PLCXD1: variants seen among roughly 807,000 people sequenced by gnomAD.
PLCXD1 encodes phosphatidylinositol specific phospholipase C X domain containing 1, also known as PI-PLC X domain-containing protein 1.
In PLCXD1, 45 loss-of-function variants were observed where a neutral mutation model predicts 37.8. The ratio of observed to expected loss-of-function variants is 1.19; its 90% CI spans 0.94 to 1.53. The LOEUF (loss-of-function observed/expected upper bound fraction) is 1.53, where lower values mean the gene tolerates loss of function less well. Ranked by LOEUF, PLCXD1 falls within the 40% of genes most tolerant of loss-of-function variation. The pLI is 0.00. For synonymous variants in PLCXD1, 246 were observed against 206.9 expected, an observed-to-expected ratio of 1.19 and a Z score of -1.62; for missense variants, 539 against 454.7, an observed-to-expected ratio of 1.19 and a Z score of -1.69.
Position 299,470 on chromosome X carries a change from A to G in PLCXD1, c.*135A>G, listed in dbSNP as rs2069931552. The G allele has an allele frequency of 1.3e-6, 1 of 742,184 alleles. No individual in the cohort carries two copies. Among genetic ancestry groups the G allele is most frequent in the Admixed American group, 2.2e-5 (1 of 45,120 alleles). 46.0% of individuals were successfully genotyped at this position (742,184 alleles called of 1,614,324 possible). On this transcript the variant is annotated 3_prime_UTR_variant, in exon 7 of 7. Coordinates refer to ENST00000381657, the MANE Select transcript of PLCXD1 (RefSeq NM_018390.4). ...TACGTTTTCATTTTCTTTAAAATAG[A>G]GATGGGGTGGCTGGGCGTGGTGACT...
chrX:290,748 A>G lies in PLCXD1; in HGVS notation c.365A>G (p.His122Arg), dbSNP rs750925368. The change falls in exon 4 of 7, where the codon CAT (histidine) becomes CGT (arginine). Residue 122 changes from histidine to arginine, a missense_variant. By Grantham distance (29) the His-to-Arg change is conservative (BLOSUM62 0). Transcript: ENST00000381657. ...EGSEKNLHFV[H>R]MVYTTALVED... is the part of the protein sequence containing the mutation. Reference sequence around the variant, plus strand: ...TCGGAGAAGAACCTGCACTTTGTCCATATGGTGTACACAACGGCGCTGGTG... The same window carrying G: ...TCGGAGAAGAACCTGCACTTTGTCCGTATGGTGTACACAACGGCGCTGGTG... 6.2e-7 allele frequency: 1 copy of G among 1,613,294 alleles called. No homozygotes were observed. Among genetic ancestry groups the G allele is most frequent in the Non-Finnish European group, 8.5e-7 (1 of 1,179,782 alleles).
chrX:291,244 C>A (rs1447077336), intron 4 of PLCXD1, among the ~76,000 whole-genome samples: 1 of 151,416 alleles, frequency 6.6e-6, no homozygotes, highest in Non-Finnish European at 1.5e-5. Context: ...CTCCTGGGTT[C>A]AGGCAATTCT....
chrX:285,664 GACAC>G (rs777817540), intron 2 of PLCXD1, among the ~76,000 whole-genome samples: 2 of 151,834 alleles, frequency 1.3e-5, no homozygotes, highest in African/African-American at 4.8e-5. Context: ...CACACACGTA[GACAC>G]ACGTCCATGC....
At chrX:286,993 C>CA (rs1468369096) in intron 2 of PLCXD1, among the ~76,000 whole-genome samples, 1 of 151,688 alleles carries the variant, frequency 6.6e-6, no homozygotes, top group Non-Finnish European at 1.5e-5. Context: ...CCACGTTCCT[C>CA]AGAGGATGTA....
At chrX:286,888 G>A (rs2069464084) in intron 2 of PLCXD1, among the ~76,000 whole-genome samples, 1 of 151,856 alleles carries the variant, frequency 6.6e-6, no homozygotes, top group South Asian at 2.1e-4. Context: ...GAGAAGTACT[G>A]GTCTCCTTCC....
rs745739402 is a variant in PLCXD1, at chrX:290,707, C to T, written c.324C>T (p.Ala108=). The T allele has an allele frequency of 6.2e-7, 1 of 1,613,714 alleles. No homozygotes were observed. Among genetic ancestry groups the T allele is most frequent in the African/African-American group, 1.3e-5 (1 of 75,000 alleles). Residue 108 remains alanine, a synonymous_variant, in exon 4 of 7, where the codon GCC becomes GCT. Transcript: ENST00000381657. ...AGVRYLDLRI[A]HMLEGSEKNL... ...TGCGGTACCTGGACCTGCGGATAGCCCACATGCTGGAGGGCTCGGAGAAGA... is the reference window on the plus strand; with the variant it reads ...TGCGGTACCTGGACCTGCGGATAGCTCACATGCTGGAGGGCTCGGAGAAGA...
upstream of PLCXD1, among the ~76,000 whole-genome samples, chrX:278,619 G>A (rs546860813): frequency 1.1e-4 from 17 of 151,384 alleles, no homozygotes; most frequent in South Asian, 3.3e-3. Flanking sequence ...GGCGCCTGTA[G>A]TCCCAGCTAC....
In PLCXD1 at chrX:301,130, C is replaced by G. The variant is rs2070004700; in HGVS notation, c.*1795C>G. 1 of 152,364 alleles carries G rather than the reference C, an allele frequency of 6.6e-6. No individual in the cohort carries two copies. Among genetic ancestry groups the G allele is most frequent in the African/African-American group, 2.4e-5 (1 of 41,456 alleles). 9.4% of individuals were successfully genotyped at this position (152,364 alleles called of 1,614,324 possible). ...GGCTCAAGCGATCCTCTCAGCTCAGCCTCCCGTGTAGCTGGGGCTCCAGGG... is the reference window on the plus strand; with the variant it reads ...GGCTCAAGCGATCCTCTCAGCTCAGGCTCCCGTGTAGCTGGGGCTCCAGGG... On this transcript the variant is annotated 3_prime_UTR_variant, in exon 7 of 7. Coordinates refer to ENST00000381657, the MANE Select transcript of PLCXD1 (RefSeq NM_018390.4).
At chrX:294,433 G>C (rs892177649) in intron 6 of PLCXD1, among the ~76,000 whole-genome samples, 2 of 150,150 alleles carry the variant, frequency 1.3e-5, no homozygotes, top group African/African-American at 2.5e-5. Flanking sequence ...AGTGAGCCGA[G>C]ATCACGCCAC....
In PLCXD1 at chrX:302,664, C is replaced by T. The variant is rs1369984639; in HGVS notation, c.*3329C>T. The T allele has an allele frequency of 6.6e-6, 1 of 152,178 alleles. No individual in the cohort carries two copies. Among genetic ancestry groups the T allele is most frequent in the East Asian group, 1.9e-4 (1 of 5,192 alleles). The allele number at this position is 152,178 out of a possible 1,614,324, so 9.4% of individuals were successfully genotyped here. ...CCTGGCTCACTGCAACCTCCACCTC[C>T]CGGGTTCCAGCAAATTCTCCTGCCT... On this transcript the variant is annotated 3_prime_UTR_variant, in exon 7 of 7. Coordinates refer to ENST00000381657, the MANE Select transcript of PLCXD1 (RefSeq NM_018390.4).
intron 2 of PLCXD1, among the ~76,000 whole-genome samples, 196 bp from the exon 3 acceptor site, chrX:288,537 C>T (rs946706232): frequency 6.6e-6 from 1 of 152,170 alleles, no homozygotes; most frequent in Non-Finnish European, 1.5e-5. Context: ...TGCAGAGACC[C>T]TGTTTCAACA....
chrX:277,194 G>A (rs149109909), upstream of PLCXD1, among the ~76,000 whole-genome samples: 1 of 142,224 alleles, frequency 7.0e-6, no homozygotes, highest in East Asian at 2.3e-4. Flanking sequence ...GGCGTCGGGG[G>A]ACCTGGGGAC....
In PLCXD1 at chrX:292,425, T is replaced by C. The variant is rs187683724; in HGVS notation, c.550-610T>C. Among the ~76,000 whole-genome samples, 488 of 151,878 alleles carry C rather than the reference T, an allele frequency of 3.2e-3. 2 individuals are homozygous for C. The highest frequency in any genetic ancestry group is 0.01 in the African/African-American group (423 of 41,438). ...AGTGAGCCGAGATCGCGCCACTGCA[T>C]TCCAGCCTGGGAGACAGAGCGAGAT... On this transcript the variant is annotated intron_variant, in intron 5 of 6. Transcript: ENST00000381657.
At chrX:287,446 A>G (rs185269323) in intron 2 of PLCXD1, among the ~76,000 whole-genome samples, 16,011 of 129,142 alleles carry the variant, frequency 0.12, 1,208 homozygotes, top group South Asian at 0.16. Context: ...TATATACACT[A>G]TATATGTTTA....
intron 6 of PLCXD1, among the ~76,000 whole-genome samples, chrX:296,107 C>T (rs528009429): frequency 1.1e-4 from 17 of 151,364 alleles, no homozygotes; most frequent in African/African-American, 3.6e-4. Context: ...CCACTGTGCC[C>T]GGCCTTTTTT....
At chrX:292,679 C>G (rs2069674386) in intron 5 of PLCXD1, among the ~76,000 whole-genome samples, 1 of 151,684 alleles carries the variant, frequency 6.6e-6, no homozygotes, top group African/African-American at 2.4e-5. Context: ...ATAGCGAAAC[C>G]TCGGCTCACC....
Position 291,780 on chromosome X carries a change from G to A in PLCXD1, c.549+126G>A, listed in dbSNP as rs181804872. The A allele has an allele frequency of 4.1e-4, 429 of 1,054,966 alleles. 5 individuals carry two copies. In the East Asian group the frequency reaches 9.6e-3, roughly 24 times the overall value. The allele number at this position is 1,054,966 out of a possible 1,614,324, so 65.4% of individuals were successfully genotyped here. The stretch of plus-strand genomic sequence containing the variant: ...CCTGTAGCAGGTGAAGCCGTCGAAC[G>A]GGGGCTGCCTGCTCTCCCGCAGTGT... On this transcript the variant is annotated intron_variant, in intron 5 of 6. Transcript: ENST00000381657.
intron 6 of PLCXD1, among the ~76,000 whole-genome samples, chrX:297,358 C>T (rs766501231): frequency 2.2e-4 from 12 of 55,566 alleles, no homozygotes; most frequent in East Asian, 1.0e-3. Flanking sequence ...TCTTTGGGGC[C>T]ATTATTCTGT....
At chrX:288,655 GC>G in intron 2 of PLCXD1, 77 bp from the exon 3 acceptor site, 1 of 1,486,012 alleles carries the variant, frequency 6.7e-7, no homozygotes, top group Non-Finnish European at 9.4e-7. Flanking sequence ...TGTGCTGTAG[GC>G]GGGCTGTGGA....
Sources: allele counts gnomAD v4.1 joint callset (sites outside exome capture counted in the v4.1 genomes callset), GRCh38; gene constraint gnomAD v4.1.1; transcripts MANE v1.5; gene names NCBI Gene and HGNC (gene_info 2026-07-23, HGNC 2026-07-21).